AOPEP: variants seen among roughly 807,000 people sequenced by gnomAD.
AOPEP encodes aminopeptidase O.
AOPEP carries 77 observed loss-of-function variants against 98.1 expected under a neutral mutation model. That is an observed-to-expected ratio of 0.78 (90% CI 0.65 to 0.95). The LOEUF (loss-of-function observed/expected upper bound fraction) is 0.95. Among genes scored for constraint, AOPEP ranks in the 40% least tolerant of loss-of-function variants. The pLI, the probability that AOPEP is intolerant of heterozygous loss-of-function variation, is 0.00. For missense variants in AOPEP, 1,024 were observed against 1,024.7 expected (o/e 1.00, Z 0.01); for synonymous variants, 346 against 365.3 (o/e 0.95, Z 0.60).
rs147778710 is a variant in AOPEP, at chr9:95,062,346, C to T, written c.2232+1536C>T. Among the ~76,000 whole-genome samples the T allele has an allele frequency of 2.0e-5, 3 of 152,300 alleles. No homozygotes were observed. In the East Asian group the frequency reaches 5.8e-4, roughly 29 times the overall value. On this transcript the variant is annotated intron_variant, in intron 14 of 16. Coordinates refer to ENST00000375315, the MANE Select transcript of AOPEP (RefSeq NM_001193329.3). Reference sequence around the variant, plus strand: ...ATATTTTTGAGATAACGCAGAAAGGCTTCCCTTGCTCTACATGTGACCGAG... The same window carrying T: ...ATATTTTTGAGATAACGCAGAAAGGTTTCCCTTGCTCTACATGTGACCGAG...
intron 13 of AOPEP, among the ~76,000 whole-genome samples, chr9:95,011,876 C>T (rs2062552621): frequency 6.6e-6 from 1 of 152,142 alleles, no homozygotes; most frequent in Non-Finnish European, 1.5e-5. Flanking sequence ...GTACAAAATT[C>T]CTTCCCGTTT....
chr9:94,733,239 TGG>T (rs1830977416), intron 1 of AOPEP, among the ~76,000 whole-genome samples: 1 of 151,922 alleles, frequency 6.6e-6, no homozygotes, highest in Non-Finnish European at 1.5e-5. Context: ...CCTGGGTGTC[TGG>T]GACTACAGGT....
chr9:94,830,350 T>C (rs563437919), intron 5 of AOPEP, among the ~76,000 whole-genome samples: 2 of 152,370 alleles, frequency 1.3e-5, no homozygotes, highest in African/African-American at 2.4e-5. Flanking sequence ...GCTCCATCCA[T>C]GTCCCTGCAA....
chr9:94,754,350 A>G (rs908887556), intron 1 of AOPEP, among the ~76,000 whole-genome samples: 1 of 152,250 alleles, frequency 6.6e-6, no homozygotes, highest in African/African-American at 2.4e-5. Flanking sequence ...GAAAGCTGTC[A>G]TTCTCTGATC....
chr9:94,917,878 C>A (rs1018938467), intron 5 of AOPEP, among the ~76,000 whole-genome samples: 2 of 152,074 alleles, frequency 1.3e-5, no homozygotes, highest in Non-Finnish European at 2.9e-5. Flanking sequence ...ATCTTTCTAT[C>A]TGCTTCCTTC....
At chr9:94,954,292 C>T (rs151304016) in intron 7 of AOPEP, among the ~76,000 whole-genome samples, 23 of 152,244 alleles carry the variant, frequency 1.5e-4, no homozygotes, top group Non-Finnish European at 2.9e-4. Context: ...CCACTGCGCT[C>T]CAGCCTGGGT....
intron 13 of AOPEP, among the ~76,000 whole-genome samples, chr9:95,017,690 A>G (rs1312559278): frequency 6.6e-6 from 1 of 152,154 alleles, no homozygotes; most frequent in Non-Finnish European, 1.5e-5. Context: ...TCATCCACAG[A>G]CAGTTTGTTG....
rs550309581 is a variant in AOPEP, at chr9:94,777,200, C to T, written c.964+4032C>T. The stretch of plus-strand genomic sequence containing the variant: ...CTGTAATCCCAGCACTTCGGGAGGC[C>T]GAGGGACGGATCATGAGGTCAGGAG... On this transcript the variant is annotated intron_variant, in intron 3 of 16. Coordinates refer to ENST00000375315, the MANE Select transcript of AOPEP (RefSeq NM_001193329.3). Among the ~76,000 whole-genome samples the T allele has an allele frequency of 1.8e-3, 271 of 151,854 alleles. 4 individuals are homozygous for T. Among genetic ancestry groups the T allele is most frequent in the African/African-American group, 7.7e-4 (32 of 41,430 alleles).
At chr9:95,093,307 C>T in the AOPEP span, among the ~76,000 whole-genome samples, 30,091 of 152,098 alleles carry the variant, frequency 0.2, 3,119 homozygotes, top group Middle Eastern at 0.32. Flanking sequence ...AGGGCACATG[C>T]GTCCAGTCAT....
intron 4 of AOPEP, among the ~76,000 whole-genome samples, chr9:94,794,208 T>C (rs1255005234): frequency 6.6e-6 from 1 of 152,170 alleles, no homozygotes; most frequent in Non-Finnish European, 1.5e-5. Flanking sequence ...TGTTCAATGG[T>C]TTCTAGCTTT....
intron 2 of AOPEP, among the ~76,000 whole-genome samples, chr9:94,765,286 A>G (rs921258175): frequency 2.0e-5 from 3 of 151,758 alleles, no homozygotes; most frequent in East Asian, 1.9e-4. Context: ...CAATTTTTAA[A>G]ATCTAAAACT....
chr9:94,973,478 G>C (rs913232538), intron 10 of AOPEP, among the ~76,000 whole-genome samples: 7 of 152,226 alleles, frequency 4.6e-5, no homozygotes, highest in Admixed American at 1.3e-4. Flanking sequence ...TTTCTAACCA[G>C]TATCATGCCA....
At chr9:94,793,639 C>T (rs377189697) in intron 4 of AOPEP, among the ~76,000 whole-genome samples, 5 of 150,088 alleles carry the variant, frequency 3.3e-5, no homozygotes, top group South Asian at 2.1e-4. Flanking sequence ...ATTGCGCCAC[C>T]GCACTCCAGC....
At chr9:94,731,715 C>T (rs1362316259) in intron 1 of AOPEP, among the ~76,000 whole-genome samples, 1 of 148,862 alleles carries the variant, frequency 6.7e-6, no homozygotes, top group African/African-American at 2.5e-5. Context: ...GAAATGTCAA[C>T]ATATCTTTAA....
In AOPEP at chr9:94,932,758, A is replaced by G. The variant is rs933177325; in HGVS notation, c.1661+4227A>G. On this transcript the variant is annotated intron_variant, in intron 7 of 16. Transcript: ENST00000375315. Reference sequence around the variant, plus strand: ...TTCGGCCTCCCAAAGTGCTGGGATTATAGGCGTGAACCACTGCGCCCAGCC... The same window carrying G: ...TTCGGCCTCCCAAAGTGCTGGGATTGTAGGCGTGAACCACTGCGCCCAGCC... The G allele has an allele frequency of 3.1e-6, 3 of 980,542 alleles. No homozygotes were observed. The African/African-American group carries it at 5.3e-5, about 17-fold the overall frequency. The allele number at this position is 980,542 out of a possible 1,614,324, so 60.7% of individuals were successfully genotyped here.
At chr9:94,736,359 G>A (rs1587958686) in intron 1 of AOPEP, among the ~76,000 whole-genome samples, 1 of 134,336 alleles carries the variant, frequency 7.4e-6, no homozygotes, top group East Asian at 1.9e-4. Context: ...ACTTGTTTAA[G>A]GACTATATTT....
At chr9:95,052,770 T>C (rs906667381) in intron 13 of AOPEP, among the ~76,000 whole-genome samples, 25 of 152,322 alleles carry the variant, frequency 1.6e-4, no homozygotes, top group African/African-American at 5.8e-4. Context: ...GTTTTTTCCC[T>C]TGGAAAAAAA....
At chr9:94,894,290 C>T (rs1184015992) in intron 5 of AOPEP, among the ~76,000 whole-genome samples, 10 of 151,920 alleles carry the variant, frequency 6.6e-5, no homozygotes, top group Non-Finnish European at 1.5e-4. Context: ...TTGCCAAAAC[C>T]AATAAAACAG....
intron 16 of AOPEP, among the ~76,000 whole-genome samples, chr9:95,083,457 C>T (rs1324571661): frequency 6.8e-6 from 1 of 147,806 alleles, no homozygotes; most frequent in East Asian, 2.1e-4. Flanking sequence ...ACAGCGCACG[C>T]ACCACACAGA....
Sources: allele counts gnomAD v4.1 joint callset (sites outside exome capture counted in the v4.1 genomes callset), GRCh38; gene constraint gnomAD v4.1.1; transcripts MANE v1.5; gene names NCBI Gene and HGNC (gene_info 2026-07-23, HGNC 2026-07-21).